The following AP2A1 variants were observed in gnomAD, a reference collection of about 807,000 sequenced individuals.
AP2A1 encodes AP-2 complex subunit alpha-1.
In AP2A1, 21 loss-of-function variants were observed where a neutral mutation model predicts 107.3. The ratio of observed to expected loss-of-function variants is 0.20; its 90% CI spans 0.14 to 0.28. AP2A1 has a LOEUF of 0.28. Among genes scored for constraint, AP2A1 ranks in the 10% least tolerant of loss-of-function variants. The pLI is 1.00. For synonymous variants in AP2A1, 602 were observed against 564.8 expected, an observed-to-expected ratio of 1.07 and a Z score of -0.93; for missense variants, 873 against 1,307.7, an observed-to-expected ratio of 0.67 and a Z score of 5.13.
rs777969666 is a variant in AP2A1, at chr19:49,803,088, G to T, written c.2172-19G>T. On this transcript the variant is annotated intron_variant, in intron 16 of 22. Transcript: ENST00000354293. The stretch of plus-strand genomic sequence containing the variant: ...TGCAGACAGGCACCCCCGTCATCTT[G>T]CGCCCCCTGCCCCCTCAGGTTTGTG... 122 of 1,613,958 alleles carry T rather than the reference G, an allele frequency of 7.6e-5. No homozygotes were observed. Among genetic ancestry groups the T allele is most frequent in the Non-Finnish European group, 9.7e-5 (115 of 1,179,874 alleles).
intron 5 of AP2A1, 41 bp downstream of exon 5, chr19:49,792,105 C>A: frequency 5.0e-6 from 8 of 1,597,218 alleles, no homozygotes; most frequent in Non-Finnish European, 6.8e-6. Flanking sequence ...CCCAGGGCTC[C>A]CACCTCAGCC....
In AP2A1 at chr19:49,807,025, T is replaced by TTTTTGGCCCCCCCCCCCCCCCCCCCC; in HGVS notation, c.*267_*268insTTTTGGCCCCCCCCCCCCCCCCCCCC. 1 of 630,714 alleles carries TTTTTGGCCCCCCCCCCCCCCCCCCCC rather than the reference T, an allele frequency of 1.6e-6. No homozygotes were observed. Among genetic ancestry groups the TTTTTGGCCCCCCCCCCCCCCCCCCCC allele is most frequent in the Non-Finnish European group, 2.2e-6 (1 of 451,554 alleles). 39.1% of individuals were successfully genotyped at this position (630,714 alleles called of 1,614,324 possible). A position where few individuals can be genotyped will look rare whatever the true frequency, so the allele number is the denominator to read the frequency against. On this transcript the variant is annotated 3_prime_UTR_variant, in exon 23 of 23. Coordinates refer to ENST00000354293, the MANE Select transcript of AP2A1 (RefSeq NM_130787.3). The stretch of plus-strand genomic sequence containing the variant: ...CCAGGGAAGTGGATGTCTCCTCCCC[T>TTTTTGGCCCCCCCCCCCCCCCCCCCC]CCCACCCCACCCTGTTGTAGCCCCT...
chr19:49,783,319 A>G (rs1046196398), intron 4 of AP2A1, among the ~76,000 whole-genome samples: 33 of 152,092 alleles, frequency 2.2e-4, no homozygotes, highest in African/African-American at 7.2e-4. Flanking sequence ...CAAAATCCCA[A>G]TCTCTACTAA....
chr19:49,775,726 A>G (rs1379149924), intron 1 of AP2A1, among the ~76,000 whole-genome samples: 1 of 152,138 alleles, frequency 6.6e-6, no homozygotes, highest in Non-Finnish European at 1.5e-5. Context: ...CTGAGGATTC[A>G]GGGCTGCTGG....
In AP2A1 at chr19:49,767,895, G is replaced by A. The variant is rs1484206370; in HGVS notation, c.67+695G>A. On this transcript the variant is annotated intron_variant, in intron 1 of 22. Transcript: ENST00000354293. ...CAGTGTGGAGGGGGCTAGAGGGGCA[G>A]CTGAGGGGAAAGGAGGGACCCAAGG... 2.6e-5 allele frequency among the ~76,000 whole-genome samples: 4 copies of A among 151,914 alleles called. No homozygotes were observed. The East Asian group carries it at 7.7e-4, about 29-fold the overall frequency.
chr19:49,803,493 G>A (rs112175246), intron 18 of AP2A1, 117 bp downstream of exon 18: 6 of 802,514 alleles, frequency 7.5e-6, no homozygotes, highest in African/African-American at 6.8e-5. Context: ...CACGCAATTA[G>A]TTCTCTGAGA....
chr19:49,801,875 AC>A lies in AP2A1; in HGVS notation c.1944del (p.Ser649AlafsTer74). On this transcript the variant is annotated frameshift_variant, in exon 14 of 23. Transcript: ENST00000354293. LOFTEE classifies it high-confidence loss of function. ...SNDINGGMEP[T>X]PSTVSTPSPS... ...CGACATCAACGGGGGCATGGAGCCC[AC>A]CCCCAGCACTGTGGTGAGTCCCCTG... 1.3e-6 allele frequency: 2 copies of A among 1,489,756 alleles called. No individual in the cohort carries two copies. The allele number at this position is 1,489,756 out of a possible 1,614,324, so 92.3% of individuals were successfully genotyped here.
intron 7 of AP2A1, 21 bp downstream of exon 7, chr19:49,795,759 C>A: frequency 6.6e-7 from 1 of 1,514,148 alleles, no homozygotes; most frequent in Non-Finnish European, 8.9e-7. Flanking sequence ...CCGTGCACTC[C>A]CCAACCCGGG....
chr19:49,781,641 G>A, intron 1 of AP2A1, 116 bp from the exon 2 acceptor site: 1 of 1,094,398 alleles, frequency 9.1e-7, no homozygotes, highest in East Asian at 2.6e-5. Flanking sequence ...GAGCCCCAGG[G>A]CTTGGGGGCG....
intron 6 of AP2A1, among the ~76,000 whole-genome samples, chr19:49,794,221 G>GC (rs1555793277): frequency 9.9e-4 from 131 of 131,766 alleles, no homozygotes; most frequent in African/African-American, 3.4e-3. Flanking sequence ...TCTTTCTCAG[G>GC]TTTTTTTTTT....
intron 7 of AP2A1, chr19:49,797,411 C>CATG (rs2073225989): frequency 6.6e-6 from 1 of 152,182 alleles, no homozygotes; most frequent in East Asian, 1.9e-4. Context: ...TTACAGACAT[C>CATG]ATGATGTTTT....
intron 7 of AP2A1, among the ~76,000 whole-genome samples, chr19:49,797,852 A>G (rs1306083111): frequency 8.1e-6 from 1 of 123,342 alleles, no homozygotes; most frequent in Non-Finnish European, 1.9e-5. Flanking sequence ...AGGCTGAGGC[A>G]GAAGGATCGC....
intron 1 of AP2A1, among the ~76,000 whole-genome samples, chr19:49,778,979 T>C (rs2084644948): frequency 6.7e-6 from 1 of 149,498 alleles, no homozygotes; most frequent in African/African-American, 2.5e-5. Context: ...GTGGATCACT[T>C]GAAGTCAGGA....
Position 49,801,731 on chromosome 19 carries a change from C to A in AP2A1, c.1795C>A (p.Leu599Met). The A allele has an allele frequency of 6.5e-7, 1 of 1,548,856 alleles. No homozygotes were observed. Among genetic ancestry groups the A allele is most frequent in the Non-Finnish European group, 8.7e-7 (1 of 1,147,430 alleles). Residue 599 changes from leucine (L) to methionine (M), a missense_variant, in exon 14 of 23, where the codon CTG becomes ATG. Physicochemically the swap from Leu to Met is conservative, Grantham distance 15. Around this residue, in one of 4 missense-constraint regions of AP2A1, gnomAD observed 213 missense variants for 443.5 expected, o/e 0.48. Transcript: ENST00000354293. Reference protein sequence around the residue: ...VASTDVLATVLEEMPPFPERE... With the variant: ...VASTDVLATVMEEMPPFPERE... ...ACCCCGACCGCGCCAGGCCACGGTG[C>A]TGGAGGAGATGCCGCCCTTCCCCGA...
chr19:49,799,406 G>A lies in AP2A1; in HGVS notation c.1045G>A (p.Ala349Thr), dbSNP rs1243453747. The stretch of plus-strand genomic sequence containing the variant: ...CCGGGAGACCAACCTGCGCTACCTG[G>A]CCCTGGAGAGCATGTGCACGCTGGC... Reference protein sequence around the residue: ...QHRETNLRYLALESMCTLASS... With the variant: ...QHRETNLRYLTLESMCTLASS... The change falls in exon 9 of 23, where the codon GCC becomes ACC. Residue 349 changes from alanine to threonine, a missense_variant. Around this residue, in one of 4 missense-constraint regions of AP2A1, gnomAD observed 213 missense variants for 443.5 expected, o/e 0.48. Transcript: ENST00000354293. 1.2e-6 allele frequency: 2 copies of A among 1,612,262 alleles called. No individual in the cohort carries two copies.
At chr19:49,768,334 G>C (rs763720190) in intron 1 of AP2A1, among the ~76,000 whole-genome samples, 2 of 152,118 alleles carry the variant, frequency 1.3e-5, no homozygotes, top group African/African-American at 2.4e-5. Context: ...CATGGGCTCT[G>C]GGGTCAGCCA....
intron 1 of AP2A1, among the ~76,000 whole-genome samples, chr19:49,770,893 C>G (rs565592533): frequency 1.1e-3 from 165 of 152,128 alleles, no homozygotes; most frequent in Non-Finnish European, 2.0e-3. Flanking sequence ...ACTCTGTCGC[C>G]CAGGCTGGAG....
intron 6 of AP2A1, among the ~76,000 whole-genome samples, chr19:49,793,628 T>G (rs961806261): frequency 6.6e-6 from 1 of 152,116 alleles, no homozygotes; most frequent in Non-Finnish European, 1.5e-5. Context: ...AACCAAGCTC[T>G]GCTCTTAAGG....
chr19:49,796,910 T>C (rs540901943), intron 7 of AP2A1: 1 of 152,378 alleles, frequency 6.6e-6, no homozygotes, highest in African/African-American at 2.4e-5. Context: ...CCTCTGCACA[T>C]GGTGTGTGTG....
Sources: allele counts gnomAD v4.1 joint callset (sites outside exome capture counted in the v4.1 genomes callset), GRCh38; gene constraint gnomAD v4.1.1; regional missense constraint gnomAD v4.1.1; transcripts MANE v1.5; gene names NCBI Gene and HGNC (gene_info 2026-07-23, HGNC 2026-07-21).